The following GALNTL6 variants were observed in gnomAD, a reference collection of about 807,000 sequenced individuals.
GALNTL6 encodes polypeptide N-acetylgalactosaminyltransferase like 6, also known as polypeptide N-acetylgalactosaminyltransferase-like 6.
A neutral mutation model predicts 73.7 loss-of-function variants in GALNTL6; 46 were observed. The ratio of observed to expected loss-of-function variants is 0.62; its 90% CI spans 0.49 to 0.80. The LOEUF is 0.80. Among genes scored for constraint, GALNTL6 ranks in the 30% least tolerant of loss-of-function variants. GALNTL6 has a pLI of 0.00. For missense variants in GALNTL6, 604 were observed against 755.0 expected (o/e 0.80, Z 2.34); for synonymous variants, 259 against 263.7 (o/e 0.98, Z 0.17).
chr4:172,702,027 TA>T (rs1186012659), intron 5 of GALNTL6, among the ~76,000 whole-genome samples: 1 of 152,072 alleles, frequency 6.6e-6, no homozygotes, highest in African/African-American at 2.4e-5. Flanking sequence ...ATACTTTGGA[TA>T]ATTTATATTT....
chr4:172,446,386 A>G (rs545809840), intron 5 of GALNTL6, among the ~76,000 whole-genome samples: 1 of 152,278 alleles, frequency 6.6e-6, no homozygotes, highest in South Asian at 2.1e-4. Flanking sequence ...AAATCAGACA[A>G]GAGGCATTTG....
chr4:172,363,444 G>C (rs572155757), intron 5 of GALNTL6, among the ~76,000 whole-genome samples: 1 of 152,208 alleles, frequency 6.6e-6, no homozygotes, highest in African/African-American at 2.4e-5. Flanking sequence ...AGTAAAAGTA[G>C]AATAATAATA....
chr4:172,023,086 G>A (rs963936825), intron 2 of GALNTL6, among the ~76,000 whole-genome samples: 1 of 151,706 alleles, frequency 6.6e-6, no homozygotes, highest in Non-Finnish European at 1.5e-5. Flanking sequence ...TTCTTTTCCA[G>A]TACCATTGAA....
At chr4:172,177,839 A>ATGTGTGTG (rs1313807210) in intron 2 of GALNTL6, among the ~76,000 whole-genome samples, 68 of 76,962 alleles carry the variant, frequency 8.8e-4, no homozygotes, top group East Asian at 2.3e-3. Context: ...ACACACATAT[A>ATGTGTGTG]TATGTGTATA....
intron 5 of GALNTL6, among the ~76,000 whole-genome samples, chr4:172,373,199 G>A (rs889657711): frequency 2.0e-5 from 3 of 152,230 alleles, no homozygotes; most frequent in Non-Finnish European, 2.9e-5. Context: ...GTGCACATAA[G>A]TTGGGACGTG....
intron 2 of GALNTL6, among the ~76,000 whole-genome samples, chr4:171,943,846 G>A (rs987804667): frequency 2.0e-5 from 3 of 151,960 alleles, no homozygotes; most frequent in Admixed American, 6.6e-5. Context: ...CTACGGGTAG[G>A]CTTTTTTTAA....
At chr4:172,389,051 A>G (rs976511202) in intron 5 of GALNTL6, among the ~76,000 whole-genome samples, 9 of 152,030 alleles carry the variant, frequency 5.9e-5, no homozygotes, top group Admixed American at 4.6e-4. Context: ...TCAGAAATGT[A>G]TGCTATATGA....
intron 2 of GALNTL6, among the ~76,000 whole-genome samples, chr4:172,005,331 T>G (rs1239967442): frequency 6.6e-6 from 1 of 152,024 alleles, no homozygotes; most frequent in African/African-American, 2.4e-5. Context: ...TTTGCTACAT[T>G]GCCCAGGCTG....
At chr4:172,745,954 G>C (rs1165716878) in intron 5 of GALNTL6, among the ~76,000 whole-genome samples, 2 of 152,032 alleles carry the variant, frequency 1.3e-5, no homozygotes, top group Non-Finnish European at 2.9e-5. Context: ...GACATTACTG[G>C]TTTTAAATGT....
intron 5 of GALNTL6, among the ~76,000 whole-genome samples, chr4:172,669,659 ATTTTTT>A (rs1668991100): frequency 1.3e-5 from 2 of 151,798 alleles, no homozygotes; most frequent in African/African-American, 4.8e-5. Context: ...TTTTATTTTT[ATTTTTT>A]GTTTTTTAAC....
At chr4:172,421,301 C>A (rs1731046162) in intron 5 of GALNTL6, among the ~76,000 whole-genome samples, 1 of 152,014 alleles carries the variant, frequency 6.6e-6, no homozygotes, top group Admixed American at 6.6e-5. Flanking sequence ...ATAATTTACA[C>A]CACAGAAGTT....
At chr4:172,253,123 AT>A (rs1031716317) in intron 3 of GALNTL6, among the ~76,000 whole-genome samples, 14 of 151,962 alleles carry the variant, frequency 9.2e-5, no homozygotes, top group Non-Finnish European at 1.5e-4. Flanking sequence ...GCATTATTTT[AT>A]TTTTTATTAC....
chr4:172,201,011 A>G (rs1332322313), intron 2 of GALNTL6, among the ~76,000 whole-genome samples: 2 of 152,226 alleles, frequency 1.3e-5, no homozygotes, highest in Non-Finnish European at 2.9e-5. Flanking sequence ...AGTATGCTCT[A>G]TGAAAGAGAA....
At chr4:171,865,766 G>A (rs1000909809) in intron 2 of GALNTL6, among the ~76,000 whole-genome samples, 5 of 152,164 alleles carry the variant, frequency 3.3e-5, no homozygotes, top group Admixed American at 6.5e-5. Context: ...ACTTCAATAT[G>A]CAAAATTCAA....
At chr4:172,910,024 T>C (rs1747115199) in intron 8 of GALNTL6, among the ~76,000 whole-genome samples, 2 of 151,924 alleles carry the variant, frequency 1.3e-5, no homozygotes, top group South Asian at 4.1e-4. Context: ...AAAGGCAAAG[T>C]ATATAGAACA....
intron 7 of GALNTL6, among the ~76,000 whole-genome samples, chr4:172,861,918 C>T (rs9968415): frequency 1 from 152,134 of 152,352 alleles, 75,959 homozygotes; most frequent in Non-Finnish European, 1. Flanking sequence ...CAGGTATGTC[C>T]TTATTAGCAG....
chr4:172,834,164 A>T (rs1296158882), intron 7 of GALNTL6, among the ~76,000 whole-genome samples: 1 of 152,176 alleles, frequency 6.6e-6, no homozygotes, highest in Non-Finnish European at 1.5e-5. Context: ...CCTTAACAAG[A>T]AGGACTGACA....
At chr4:172,991,385 C>T (rs1280249708) in intron 10 of GALNTL6, among the ~76,000 whole-genome samples, 1 of 151,730 alleles carries the variant, frequency 6.6e-6, no homozygotes, top group Admixed American at 6.6e-5. Context: ...ATGTTAAACC[C>T]AGTTTTTGTT....
intron 3 of GALNTL6, among the ~76,000 whole-genome samples, chr4:172,230,554 C>T (rs913911685): frequency 1.7e-4 from 21 of 122,322 alleles, no homozygotes; most frequent in Non-Finnish European, 3.3e-4. Flanking sequence ...GCACTCCAGC[C>T]GGGCGATAGA....
Sources: gnomAD v4.1 joint callset for allele counts (sites outside exome capture counted in the v4.1 genomes callset) on GRCh38, gnomAD v4.1.1 for gene constraint, MANE v1.5 for transcripts, NCBI Gene and HGNC (gene_info 2026-07-23, HGNC 2026-07-21) for gene names.